Variants in PYGM observed in about 807,000 individuals in gnomAD.
PYGM encodes the protein glycogen phosphorylase, muscle associated, also known as glycogen phosphorylase, muscle form.
A neutral mutation model predicts 99.3 loss-of-function variants in PYGM; 81 were observed. The ratio of observed to expected loss-of-function variants is 0.82; its 90% confidence interval spans 0.68 to 0.98. The LOEUF is 0.98. PYGM is among the 50% of genes least tolerant of loss of function. PYGM has a pLI of 0.00. For missense variants in PYGM, 1,030 were observed against 1,158.1 expected, an observed-to-expected ratio of 0.89 and a Z score of 1.61; for synonymous variants, 436 against 451.5, an observed-to-expected ratio of 0.97 and a Z score of 0.44.
Position 64,751,990 on chromosome 11 carries a change from C to T in PYGM, c.1702G>A (p.Val568Met), listed in dbSNP as rs757791045. 3 of 1,614,088 alleles carry T rather than the reference C, an allele frequency of 1.9e-6. No homozygotes were observed. The highest frequency in any genetic ancestry group is 1.6e-4 in the Middle Eastern group (1 of 6,062). The change falls in exon 14 of 20, where the codon GTG becomes ATG. Residue 568 changes from valine (V) to methionine (M), a missense_variant. Physicochemically the swap from Val to Met is conservative, Grantham distance 21. Transcript: ENST00000164139. ...CGTTTATATTCGTGAATCCGCTTCA[C>T]CTGGATGTCGAAGAGTGAGTTGGGG... is the stretch of plus-strand genomic sequence containing the variant. ...INPNSLFDIQVKRIHEYKRQL... is the reference protein window; with the variant it reads ...INPNSLFDIQMKRIHEYKRQL...
rs749087795 is a variant in PYGM, at chr11:64,752,514, G to A, written c.1519-10C>T. The A allele has an allele frequency of 1.6e-5, 25 of 1,611,660 alleles. No individual in the cohort carries two copies. The highest frequency in any genetic ancestry group is 1.6e-4 in the Middle Eastern group (1 of 6,082). On this transcript the variant is annotated splice_polypyrimidine_tract_variant and intron_variant, in intron 12 of 19. Coordinates refer to ENST00000164139, the MANE Select transcript of PYGM (RefSeq NM_005609.4). ...AGTCCTCCCCGATGCGCTATGGGAA[G>A]ACGGCTCTCAGCCAAGCCCATCCCC...
intron 13 of PYGM, 126 bp downstream of exon 13, chr11:64,752,277 G>T: frequency 2.2e-6 from 3 of 1,355,718 alleles, no homozygotes; most frequent in Non-Finnish European, 3.1e-6. Context: ...CAGACTCCAG[G>T]CAACTTCCAC....
chr11:64,753,368 G>T, intron 11 of PYGM, 151 bp downstream of exon 11: 1 of 1,255,410 alleles, frequency 8.0e-7, no homozygotes, highest in South Asian at 1.3e-5. Flanking sequence ...CACTGGAAGG[G>T]GCTGCTGTGC....
Position 64,755,295 on chromosome 11 carries a change from C to T in PYGM, c.833G>A (p.Arg278His), listed in dbSNP as rs775556109. 42 of 1,613,952 alleles carry T rather than the reference C, an allele frequency of 2.6e-5. No homozygotes were observed. The highest frequency in any genetic ancestry group is 3.1e-5 in the Non-Finnish European group (36 of 1,179,984). ...CACATTATCATTGGGGTACAGGACA[C>T]GAGAGATGTTCTCCGCCAGGTTTCG... ...LDRNLAENIS[R>H]VLYPNDNFFE... is the part of the protein sequence containing the mutation. Residue 278 changes from arginine to histidine, a missense_variant, in exon 7 of 20, where the codon CGT (arginine) becomes CAT (histidine). Coordinates refer to ENST00000164139, the MANE Select transcript of PYGM (RefSeq NM_005609.4). This position sits in a 1 kb window ranked among gnomAD's most constrained non-coding sequence, Gnocchi z 4.1.
Position 64,755,418 on chromosome 11 carries a change from G to A in PYGM, c.772+29C>T. 1 of 1,613,038 alleles carries A rather than the reference G, an allele frequency of 6.2e-7. No homozygotes were observed. ...TGGGCGTGGCCGGCGGGCAAGCTGG[G>A]GTTGCTGGCTACCAGTGGATGAACT... On this transcript the variant is annotated intron_variant, in intron 6 of 19. Transcript: ENST00000164139. This position sits in a 1 kb window ranked among gnomAD's most constrained non-coding sequence, Gnocchi z 4.1.
chr11:64,757,778 C>T lies in PYGM; in HGVS notation c.660+1G>A, dbSNP rs1555136208. 2.5e-6 allele frequency: 4 copies of T among 1,614,172 alleles called. No individual in the cohort carries two copies. The highest frequency in any genetic ancestry group is 1.6e-4 in the Middle Eastern group (1 of 6,062). ...CCCCTGACCCCCAGCTTCATCCTCA[C>T]CTGTGTGTCCACCCACTTGGCACCC... On this transcript the variant is annotated splice_donor_variant, in intron 5 of 19. Coordinates refer to ENST00000164139, the MANE Select transcript of PYGM (RefSeq NM_005609.4). LOFTEE classifies it high-confidence loss of function.
chr11:64,753,328 G>A (rs904246309), intron 11 of PYGM, 141 bp from the exon 12 acceptor site: 140 of 1,171,312 alleles, frequency 1.2e-4, no homozygotes, highest in Non-Finnish European at 1.6e-4. Context: ...GGTGCTGTGT[G>A]TAAGAGGAGG....
chr11:64,749,682 T>G (rs1329284082), intron 17 of PYGM, among the ~76,000 whole-genome samples: 1 of 151,970 alleles, frequency 6.6e-6, no homozygotes, highest in Non-Finnish European at 1.5e-5. Context: ...ATAAAATTTT[T>G]TAATGTAATG....
Position 64,758,710 on chromosome 11 carries a change from C to T in PYGM, c.244-6G>A. ...AAAGACAGGTAGTAGATCCTCTGCC[C>T]AGAGAGACGGATGGGCAGGGAATGG... On this transcript the variant is annotated splice_polypyrimidine_tract_variant and splice_region_variant and intron_variant, in intron 1 of 19. Transcript: ENST00000164139. 1.9e-6 allele frequency: 3 copies of T among 1,592,188 alleles called. No individual in the cohort carries two copies. Among genetic ancestry groups the T allele is most frequent in the Non-Finnish European group, 2.6e-6 (3 of 1,160,254 alleles).
chr11:64,753,856 A>G, intron 10 of PYGM, 23 bp downstream of exon 10: 1 of 1,477,064 alleles, frequency 6.8e-7, no homozygotes, highest in African/African-American at 1.5e-5. Context: ...CCCCCACACC[A>G]TCCCCCAAGC....
intron 17 of PYGM, chr11:64,748,764 T>G (rs1331970534): frequency 6.6e-6 from 1 of 152,172 alleles, no homozygotes; most frequent in Non-Finnish European, 1.5e-5. Flanking sequence ...GATATCAGGA[T>G]TCAAGCAGGG....
chr11:64,746,965 C>T lies in PYGM; in HGVS notation c.2335G>A (p.Glu779Lys), dbSNP rs1014177089. 2.3e-5 allele frequency: 37 copies of T among 1,614,056 alleles called. No homozygotes were observed. Among genetic ancestry groups the T allele is most frequent in the Non-Finnish European group, 3.0e-5 (35 of 1,180,042 alleles). Reference protein sequence around the residue: ...HDRFKVFADYEDYIKCQEKVS... With the variant: ...HDRFKVFADYKDYIKCQEKVS... ...TTCTCCTGGCATTTAATGTAGTCTT[C>T]ATAATCTGCGAAGACTTTAAACCTG... Residue 779 changes from glutamate (E) to lysine (K), a missense_variant, in exon 19 of 20, where the codon GAA becomes AAA. By Grantham distance (56) the Glu-to-Lys change is moderately conservative. Transcript: ENST00000164139.
intron 17 of PYGM, among the ~76,000 whole-genome samples, chr11:64,749,567 A>G (rs9704315): frequency 0.97 from 146,081 of 150,942 alleles, 70,866 homozygotes; most frequent in East Asian, 1. Context: ...GTGTGAACCC[A>G]GGAGGCGGAG....
In PYGM at chr11:64,754,341, G is replaced by A. The variant is rs1320723096; in HGVS notation, c.1004C>T (p.Ala335Val). The A allele has an allele frequency of 1.2e-6, 2 of 1,610,054 alleles. No individual in the cohort carries two copies. Among genetic ancestry groups the A allele is most frequent in the South Asian group, 1.1e-5 (1 of 91,000 alleles). ...TNFDAFPDKV[A>V]IQLNDTHPSL... Reference sequence around the variant, plus strand: ...GGGGTGGGTGTCATTGAGCTGGATGGCCACCTGGGGTAGGGGGAGGGGTCA... The same window carrying A: ...GGGGTGGGTGTCATTGAGCTGGATGACCACCTGGGGTAGGGGGAGGGGTCA... Residue 335 changes from alanine (A) to valine (V), a missense_variant, in exon 9 of 20, where the codon GCC (alanine) becomes GTC (valine). By Grantham distance (64) the Ala-to-Val change is moderately conservative (BLOSUM62 0). Coordinates refer to ENST00000164139, the MANE Select transcript of PYGM (RefSeq NM_005609.4). This position sits in a 1 kb window ranked among gnomAD's most constrained non-coding sequence, Gnocchi z 5.5.
In PYGM at chr11:64,753,539, G is replaced by A. The variant is rs775978754; in HGVS notation, c.1383C>T (p.Ser461=). Residue 461 remains serine (S), a synonymous_variant, in exon 11 of 20, where the codon TCC becomes TCT. Coordinates refer to ENST00000164139, the MANE Select transcript of PYGM (RefSeq NM_005609.4). ...CTCACATGGTCTTCTTGAGGATCTC[G>A]GAGTGGATGCGCGCCACGCCGTTGA... ...HAVNGVARIH[S]EILKKTIFKD... 30 of 1,596,410 alleles carry A rather than the reference G, an allele frequency of 1.9e-5. No homozygotes were observed. Among genetic ancestry groups the A allele is most frequent in the Middle Eastern group, 1.6e-4 (1 of 6,072 alleles).
At chr11:64,758,569 C>T (rs1257674004) in intron 2 of PYGM, 34 bp downstream of exon 2, 2 of 1,613,300 alleles carry the variant, frequency 1.2e-6, no homozygotes, top group Admixed American at 3.3e-5. Flanking sequence ...GTGGAATCCC[C>T]CAGTCCCCAC....
chr11:64,746,637 G>A lies in PYGM; in HGVS notation c.*22C>T. ...GAGAGTGTGACAGACTCAAGGGCTG[G>A]TTTGGGGTCTGGTCTGGAGGCTCAG... On this transcript the variant is annotated 3_prime_UTR_variant, in exon 20 of 20. Transcript: ENST00000164139. 1 of 1,614,012 alleles carries A rather than the reference G, an allele frequency of 6.2e-7. No individual in the cohort carries two copies. Among genetic ancestry groups the A allele is most frequent in the Non-Finnish European group, 8.5e-7 (1 of 1,180,010 alleles).
chr11:64,752,989 G>A, intron 12 of PYGM, 84 bp downstream of exon 12: 2 of 1,254,988 alleles, frequency 1.6e-6, no homozygotes, highest in Non-Finnish European at 2.3e-6. Context: ...GAGCCCTGAT[G>A]CAGTGAACCA....
At chr11:64,753,231 A>T in intron 11 of PYGM, 44 bp from the exon 12 acceptor site, 1 of 1,532,044 alleles carries the variant, frequency 6.5e-7, no homozygotes, top group Admixed American at 1.7e-5. Context: ...ACCCCTGTAC[A>T]ATGAAGGCCT....
Sources: allele counts gnomAD v4.1 joint callset (sites outside exome capture counted in the v4.1 genomes callset), GRCh38; gene constraint gnomAD v4.1.1; non-coding constraint Gnocchi (gnomAD v3.1); transcripts MANE v1.5; gene names NCBI Gene and HGNC (gene_info 2026-07-23, HGNC 2026-07-21).